Variants in CTIF observed in about 807,000 individuals in gnomAD.
CTIF encodes the protein CBP80/20-dependent translation initiation factor.
In CTIF, 21 loss-of-function variants were observed where a neutral mutation model predicts 66.0. That is an observed-to-expected ratio of 0.32 (90% CI 0.23 to 0.46). The LOEUF is 0.46. Ranked by LOEUF, CTIF falls within the 20% of genes least tolerant of loss-of-function variation. CTIF has a pLI of 1.00. For missense variants in CTIF, 739 were observed against 812.7 expected, an observed-to-expected ratio of 0.91 and a Z score of 1.10; for synonymous variants, 345 against 326.4, an observed-to-expected ratio of 1.06 and a Z score of -0.62.
intron 1 of CTIF, among the ~76,000 whole-genome samples, chr18:48,546,097 G>T (rs1423947953): frequency 2.0e-5 from 3 of 152,184 alleles, no homozygotes; most frequent in Non-Finnish European, 4.4e-5. Context: ...TCCAGGAGCA[G>T]GTAGTTTTGT....
rs2069422498 is a variant in CTIF at position 48,859,889 on chromosome 18, A to T, written c.*330A>T. On this transcript the variant is annotated 3_prime_UTR_variant, in exon 12 of 12. Transcript: ENST00000256413. ...TCCCCCACGGAGCTTTGTGTGAGGG[A>T]TCTCATCGCTGTGACTCCTCGGAGA... 2 of 536,720 alleles carry T rather than the reference A, an allele frequency of 3.7e-6. No individual in the cohort carries two copies. Among genetic ancestry groups the T allele is most frequent in the Non-Finnish European group, 7.2e-6 (2 of 279,128 alleles). 33.2% of individuals were successfully genotyped at this position (536,720 alleles called of 1,614,324 possible).
chr18:48,766,815 C>A (rs1465001690), intron 9 of CTIF, among the ~76,000 whole-genome samples: 1 of 81,426 alleles, frequency 1.2e-5, no homozygotes, highest in Non-Finnish European at 2.9e-5. Flanking sequence ...TCCACTCCCC[C>A]AGCCTCAGGC....
At chr18:48,669,191 A>AT (rs35015068) in intron 5 of CTIF, among the ~76,000 whole-genome samples, 23,807 of 149,752 alleles carry the variant, frequency 0.16, 2,006 homozygotes, top group African/African-American at 0.21. Flanking sequence ...ACCAAAACTG[A>AT]TTTTTTTTTT....
intron 7 of CTIF, among the ~76,000 whole-genome samples, chr18:48,725,632 T>C (rs2092379865): frequency 6.6e-6 from 1 of 152,154 alleles, no homozygotes; most frequent in African/African-American, 2.4e-5. Context: ...TTTTGTGAAC[T>C]GGTGTGTCAG....
chr18:48,595,664 C>T (rs553082207), intron 1 of CTIF, among the ~76,000 whole-genome samples: 6 of 152,234 alleles, frequency 3.9e-5, no homozygotes, highest in South Asian at 2.1e-4. Flanking sequence ...TGGACTCAAG[C>T]GATCCTCCCA....
intron 3 of CTIF, among the ~76,000 whole-genome samples, chr18:48,637,273 G>A (rs2090841423): frequency 6.6e-6 from 1 of 152,180 alleles, no homozygotes; most frequent in African/African-American, 2.4e-5. Flanking sequence ...TTGTGGGTGG[G>A]TTGCATGGCT....
intron 10 of CTIF, among the ~76,000 whole-genome samples, chr18:48,848,918 A>T (rs756450834): frequency 1.3e-5 from 2 of 152,162 alleles, no homozygotes; most frequent in Non-Finnish European, 2.9e-5. Context: ...CCGAACAAAC[A>T]CTGTGTGGGC....
At chr18:48,700,800 C>T (rs2092074810) in intron 6 of CTIF, among the ~76,000 whole-genome samples, 1 of 152,238 alleles carries the variant, frequency 6.6e-6, no homozygotes, top group African/African-American at 2.4e-5. Flanking sequence ...CCCTCTTCCC[C>T]AGGGCCCATG....
At chr18:48,695,347 C>G (rs1330698500) in intron 6 of CTIF, among the ~76,000 whole-genome samples, 1 of 152,178 alleles carries the variant, frequency 6.6e-6, no homozygotes, top group East Asian at 1.9e-4. Context: ...CATTGCTGTG[C>G]AGAGTCATTA....
chr18:48,684,764 T>C (rs572268817), intron 6 of CTIF, among the ~76,000 whole-genome samples: 1 of 152,332 alleles, frequency 6.6e-6, no homozygotes, highest in South Asian at 2.1e-4. Flanking sequence ...ATACTCGCTT[T>C]ATCATTCTCC....
chr18:48,863,194 T>TAATAAAC lies in CTIF; in HGVS notation c.*3637_*3638insTAAACAA, dbSNP rs1555710341. The TAATAAAC allele has an allele frequency of 6.6e-6, 1 of 151,656 alleles. No homozygotes were observed. The highest frequency in any genetic ancestry group is 2.4e-5 in the African/African-American group (1 of 41,186). 9.4% of individuals were successfully genotyped at this position (151,656 alleles called of 1,614,324 possible). On this transcript the variant is annotated 3_prime_UTR_variant, in exon 12 of 12. Coordinates refer to ENST00000256413, the MANE Select transcript of CTIF (RefSeq NM_014772.3). ...CAAACTACAAGTGGGTTTAAAAAAA[T>TAATAAAC]AAACACCACCACCAAAAACAAAATG...
intron 7 of CTIF, among the ~76,000 whole-genome samples, chr18:48,725,371 T>G (rs1199116936): frequency 3.9e-5 from 6 of 152,024 alleles, no homozygotes; most frequent in South Asian, 4.2e-4. Context: ...AAAGGCCAAT[T>G]CCCTCCCAAG....
At chr18:48,819,627 G>T (rs2068440962) in intron 10 of CTIF, among the ~76,000 whole-genome samples, 1 of 152,204 alleles carries the variant, frequency 6.6e-6, no homozygotes, top group Non-Finnish European at 1.5e-5. Context: ...CACGCCTAAC[G>T]CACACTTGTT....
Position 48,685,786 on chromosome 18 carries a change from C to A in CTIF, c.507+15042C>A, listed in dbSNP as rs999126553. ...CTGCCTCCTGGGTTCAAGTGATTCTCCTGCCTCAGCCTCCCAAGTAGCTGG... is the reference window on the plus strand; with the variant it reads ...CTGCCTCCTGGGTTCAAGTGATTCTACTGCCTCAGCCTCCCAAGTAGCTGG... On this transcript the variant is annotated intron_variant, in intron 6 of 11. Coordinates refer to ENST00000256413, the MANE Select transcript of CTIF (RefSeq NM_014772.3). Among the ~76,000 whole-genome samples, 9 of 152,026 alleles carry A rather than the reference C, an allele frequency of 5.9e-5. No homozygotes were observed. The South Asian group carries it at 6.2e-4, about 11-fold the overall frequency.
At chr18:48,730,916 T>C (rs1253361841) in intron 7 of CTIF, among the ~76,000 whole-genome samples, 1 of 152,062 alleles carries the variant, frequency 6.6e-6, no homozygotes, top group Non-Finnish European at 1.5e-5. Flanking sequence ...TAGGACGTTT[T>C]CATCATGGCA....
intron 1 of CTIF, among the ~76,000 whole-genome samples, chr18:48,580,466 C>T (rs536081085): frequency 6.6e-6 from 1 of 152,312 alleles, no homozygotes; most frequent in African/African-American, 2.4e-5. Context: ...GGCCCTGTGC[C>T]AACCACCCGC....
intron 3 of CTIF, among the ~76,000 whole-genome samples, chr18:48,660,311 G>T (rs2091321449): frequency 6.6e-6 from 1 of 151,922 alleles, no homozygotes; most frequent in South Asian, 2.1e-4. Flanking sequence ...TTGCCACCGT[G>T]ACTCCACCAC....
intron 6 of CTIF, among the ~76,000 whole-genome samples, chr18:48,697,725 G>T (rs1287671474): frequency 6.6e-6 from 1 of 152,138 alleles, no homozygotes; most frequent in African/African-American, 2.4e-5. Flanking sequence ...CAAGGCCAGA[G>T]GGGATTGGGG....
chr18:48,619,742 C>A lies in CTIF; in HGVS notation c.177C>A (p.Ser59=). The change falls in exon 2 of 12, where the codon TCC becomes TCA. Residue 59 remains serine, a synonymous_variant. Transcript: ENST00000256413. ...GESERTQSHI[S]QWTADCSEPL... is the part of the protein sequence containing the mutation. ...GCGAGAGGACCCAGTCCCACATCTC[C>A]CAGGTGAGCGCGGGCCCGGGGTTGG... The A allele has an allele frequency of 6.3e-7, 1 of 1,588,084 alleles. No individual in the cohort carries two copies. The highest frequency in any genetic ancestry group is 8.6e-7 in the Non-Finnish European group (1 of 1,167,346).
Sources: gnomAD v4.1 joint callset for allele counts (sites outside exome capture counted in the v4.1 genomes callset) on GRCh38, gnomAD v4.1.1 for gene constraint, MANE v1.5 for transcripts, NCBI Gene and HGNC (gene_info 2026-07-23, HGNC 2026-07-21) for gene names.